ZNF215: variants seen among roughly 807,000 people sequenced by gnomAD.
ZNF215 encodes the protein BWSCR2-associated zinc finger protein 2.
Under a neutral mutation model 27.2 loss-of-function variants are expected in ZNF215, and 24 were observed. The observed-to-expected ratio is 0.88, with a 90% confidence interval of 0.64 to 1.24. ZNF215 has a LOEUF of 1.24. Among genes scored for constraint, ZNF215 ranks in the 50% most tolerant of loss-of-function variants. The probability of loss-of-function intolerance (pLI) is 0.00; values close to 1 mark genes in which losing one functional copy is unlikely to be tolerated. For missense variants in ZNF215, 675 were observed against 605.7 expected, an observed-to-expected ratio of 1.11 and a Z score of -1.20; for synonymous variants, 210 against 204.0, an observed-to-expected ratio of 1.03 and a Z score of -0.25.
downstream of ZNF215, among the ~76,000 whole-genome samples, chr11:6,987,423 A>G (rs755742246): frequency 5.3e-5 from 8 of 152,168 alleles, no homozygotes; most frequent in East Asian, 1.9e-4. Flanking sequence ...TTTGGGTACT[A>G]TACTCACTAA....
downstream of ZNF215, among the ~76,000 whole-genome samples, chr11:6,985,304 CT>C (rs1851037260): frequency 6.6e-6 from 1 of 152,036 alleles, no homozygotes; most frequent in Non-Finnish European, 1.5e-5. Context: ...AAAAACTAAT[CT>C]CAATATTTAC....
At chr11:6,952,987 C>G (rs1053779397) in intron 6 of ZNF215, among the ~76,000 whole-genome samples, 1 of 152,070 alleles carries the variant, frequency 6.6e-6, no homozygotes, top group African/African-American at 2.4e-5. Context: ...TTCTCCTTCA[C>G]GTATGAAGCT....
At position 6,943,639 on chromosome 11, in the gene ZNF215, T is replaced by C. The variant is rs144292487; in HGVS notation, c.710T>C (p.Phe237Ser). 67 of 1,611,622 alleles carry C rather than the reference T, an allele frequency of 4.2e-5. No homozygotes were observed. In the African/African-American group the frequency reaches 7.9e-4, roughly 19 times the overall value. ...MEKEIPRKTI[F>S]DMKSISGEES... ...AAAGAAATACCAAGGAAGACTATTT[T>C]TGGTAAGAACCAGGTAGATATGAGG... Residue 237 changes from phenylalanine to serine, a missense_variant and splice_region_variant, in exon 6 of 7, where the codon TTT (phenylalanine) becomes TCT (serine). Transcript: ENST00000278319.
At chr11:6,966,468 C>A (rs1240482670) in intron 5 of ZNF215, among the ~76,000 whole-genome samples, 1 of 151,466 alleles carries the variant, frequency 6.6e-6, no homozygotes, top group Admixed American at 6.6e-5. Context: ...CATATCCCCC[C>A]CAAACTAAAA....
At chr11:6,976,840 T>G (rs1469045089) in intron 5 of ZNF215, among the ~76,000 whole-genome samples, 1 of 152,108 alleles carries the variant, frequency 6.6e-6, no homozygotes, top group East Asian at 1.9e-4. Flanking sequence ...TATAGCAAAT[T>G]ACCACAAACT....
chr11:6,943,508 T>TTTG, intron 5 of ZNF215, 38 bp from the exon 6 acceptor site: 1 of 1,537,848 alleles, frequency 6.5e-7, no homozygotes, highest in Non-Finnish European at 9.0e-7. Context: ...GTCATATATG[T>TTTG]TTGTTGTTGT....
At chr11:6,962,017 C>A (rs1425046452), downstream of ZNF215, among the ~76,000 whole-genome samples, 2 of 152,090 alleles carry the variant, frequency 1.3e-5, no homozygotes, top group African/African-American at 4.8e-5. Flanking sequence ...TCCTCTGGGT[C>A]AGCAGGAAAC....
At chr11:6,942,924 T>C (rs1472767431) in intron 4 of ZNF215, among the ~76,000 whole-genome samples, 159 bp from the exon 5 acceptor site, 1 of 152,208 alleles carries the variant, frequency 6.6e-6, no homozygotes, top group Admixed American at 6.5e-5. Flanking sequence ...TTACTAAAAT[T>C]TGATTTTCAT....
intron 3 of ZNF215, among the ~76,000 whole-genome samples, chr11:6,938,984 T>G (rs1849538143): frequency 6.6e-6 from 1 of 151,954 alleles, no homozygotes; most frequent in Non-Finnish European, 1.5e-5. Flanking sequence ...TGGGAGAAAA[T>G]TAAAGAATCA....
At chr11:6,977,084 G>C (rs1388871449) in intron 5 of ZNF215, among the ~76,000 whole-genome samples, 1 of 152,010 alleles carries the variant, frequency 6.6e-6, no homozygotes, top group Non-Finnish European at 1.5e-5. Context: ...GGACTGAATT[G>C]TGTCCTCCAA....
At chr11:6,976,871 T>C (rs1297142813) in intron 5 of ZNF215, among the ~76,000 whole-genome samples, 2 of 152,086 alleles carry the variant, frequency 1.3e-5, no homozygotes. Flanking sequence ...AAACAACTCA[T>C]CTTTATGTTC....
At chr11:6,946,783 T>A (rs926234285) in intron 6 of ZNF215, among the ~76,000 whole-genome samples, 1 of 152,210 alleles carries the variant, frequency 6.6e-6, no homozygotes, top group Non-Finnish European at 1.5e-5. Context: ...GTATGTTCTT[T>A]GAGGGTAGGC....
At chr11:6,933,489 A>G (rs916632902) in intron 3 of ZNF215, among the ~76,000 whole-genome samples, 2 of 152,182 alleles carry the variant, frequency 1.3e-5, no homozygotes, top group African/African-American at 4.8e-5. Flanking sequence ...GAGCATCAAT[A>G]TTGAAGAGCT....
intron 5 of ZNF215, among the ~76,000 whole-genome samples, chr11:6,964,210 T>C (rs1442410714): frequency 6.6e-6 from 1 of 152,074 alleles, no homozygotes; most frequent in African/African-American, 2.4e-5. Context: ...ATTGGATATG[T>C]ATTTTGTGTA....
At chr11:6,990,798 G>C (rs1292302391), downstream of ZNF215, among the ~76,000 whole-genome samples, 2 of 29,212 alleles carry the variant, frequency 6.8e-5, no homozygotes, top group Non-Finnish European at 8.5e-5. Flanking sequence ...CTTTGAAAAA[G>C]AAGGGTGATG....
chr11:6,956,518 G>A lies in ZNF215; in HGVS notation c.1541G>A (p.Arg514Gln), dbSNP rs769512734. ...NLVKHQKLHT[R>Q]DKS is the part of the protein sequence containing the mutation. ...GTTAAACATCAAAAACTGCATACTC[G>A]AGATAAGTCCTGAAAAAAGAAAAAA... Residue 514 changes from arginine (R) to glutamine (Q), a missense_variant, in exon 7 of 7, where the codon CGA becomes CAA. Transcript: ENST00000278319. 120 of 1,585,958 alleles carry A rather than the reference G, an allele frequency of 7.6e-5. 2 individuals carry two copies. The South Asian group carries it at 1.2e-3, about 16-fold the overall frequency.
At chr11:6,975,812 A>G (rs1265278829) in intron 5 of ZNF215, among the ~76,000 whole-genome samples, 1 of 152,122 alleles carries the variant, frequency 6.6e-6, no homozygotes, top group African/African-American at 2.4e-5. Context: ...AACAAGCACG[A>G]AAGTGCAGAT....
At chr11:6,983,228 T>C (rs1850996673) in intron 5 of ZNF215, among the ~76,000 whole-genome samples, 1 of 152,180 alleles carries the variant, frequency 6.6e-6, no homozygotes, top group South Asian at 2.1e-4. Context: ...ACTCTCTGAA[T>C]AGACCAATAA....
chr11:6,950,847 C>T (rs2133266269), intron 6 of ZNF215, among the ~76,000 whole-genome samples: 1 of 150,094 alleles, frequency 6.7e-6, no homozygotes, highest in South Asian at 2.1e-4. Flanking sequence ...TTTGTCCATT[C>T]AGTATGATAT....
Sources: gnomAD v4.1 joint callset for allele counts (sites outside exome capture counted in the v4.1 genomes callset) on GRCh38, gnomAD v4.1.1 for gene constraint, MANE v1.5 for transcripts, NCBI Gene and HGNC (gene_info 2026-07-23, HGNC 2026-07-21) for gene names.